The following IL1RAP variants were observed in gnomAD, a reference collection of about 807,000 sequenced individuals.
IL1RAP encodes interleukin-1 receptor accessory protein.
IL1RAP carries 35 observed loss-of-function variants against 60.7 expected under a neutral mutation model. The observed-to-expected ratio is 0.58, with a 90% CI of 0.44 to 0.76. The LOEUF (loss-of-function observed/expected upper bound fraction) is 0.76, where lower values mean the gene tolerates loss of function less well. Among genes scored for constraint, IL1RAP ranks in the 30% least tolerant of loss-of-function variants. The pLI is 0.00. For synonymous variants in IL1RAP, 268 were observed against 250.9 expected, an observed-to-expected ratio of 1.07 and a Z score of -0.64; for missense variants, 572 against 693.9, an observed-to-expected ratio of 0.82 and a Z score of 1.97.
In IL1RAP at chr3:190,573,045, A is replaced by G. The variant is rs1727117840; in HGVS notation, c.64+8692A>G. On this transcript the variant is annotated intron_variant, in intron 3 of 11. Coordinates refer to ENST00000447382, the MANE Select transcript of IL1RAP (RefSeq NM_002182.4). ...CGCCCGGCTAATTTTTTGTATTTTT[A>G]GTAGAGACGGGGTTTCACCGTTTTA... Among the ~76,000 whole-genome samples, 3 of 50,154 alleles carry G rather than the reference A, an allele frequency of 6.0e-5. 1 individual carries two copies. In the Admixed American group the frequency reaches 6.7e-4, roughly 11 times the overall value. 32.9% of individuals were successfully genotyped at this position (50,154 alleles called of 152,430 possible).
In IL1RAP at chr3:190,640,735, G is replaced by A. The variant is rs143744010; in HGVS notation, c.1052-3513G>A. On this transcript the variant is annotated intron_variant, in intron 9 of 11. Transcript: ENST00000447382. ...AGCAAGAACTCAAAACAGGGAAAAT[G>A]CCAAGAGCTAACCAAGGTGGTTACC... Among the ~76,000 whole-genome samples, 589 of 152,268 alleles carry A rather than the reference G, an allele frequency of 3.9e-3. 1 individual carries two copies. Among genetic ancestry groups the A allele is most frequent in the African/African-American group, 0.014 (571 of 41,568 alleles).
chr3:190,564,839 T>A (rs1726234364), intron 3 of IL1RAP, among the ~76,000 whole-genome samples: 1 of 152,174 alleles, frequency 6.6e-6, no homozygotes, highest in South Asian at 2.1e-4. Context: ...CTCTGGATGT[T>A]GCTTTATAAG....
At chr3:190,604,103 T>G in intron 3 of IL1RAP, 25 bp from the exon 4 acceptor site, 1 of 1,605,190 alleles carries the variant, frequency 6.2e-7, no homozygotes, top group Non-Finnish European at 8.5e-7. Flanking sequence ...CATCTGCCCC[T>G]TTCTTTCTTT....
At chr3:190,570,468 C>T (rs74348289) in intron 3 of IL1RAP, among the ~76,000 whole-genome samples, 1,564 of 152,276 alleles carry the variant, frequency 0.01, 30 homozygotes, top group African/African-American at 0.035. Flanking sequence ...ATAAATAGCA[C>T]TTTTCTGCAG....
At chr3:190,655,016 T>G (rs775201354), downstream of IL1RAP, among the ~76,000 whole-genome samples, 1 of 152,090 alleles carries the variant, frequency 6.6e-6, no homozygotes, top group Non-Finnish European at 1.5e-5. Context: ...TTAATTCCAA[T>G]TCTTCACACA....
At chr3:190,643,316 A>G (rs1733790155) in intron 9 of IL1RAP, among the ~76,000 whole-genome samples, 1 of 152,232 alleles carries the variant, frequency 6.6e-6, no homozygotes, top group Non-Finnish European at 1.5e-5. Context: ...ACTTCCAGCC[A>G]GAAGTCACAG....
chr3:190,583,442 T>C (rs934634868), intron 3 of IL1RAP, among the ~76,000 whole-genome samples: 2 of 152,230 alleles, frequency 1.3e-5, no homozygotes, highest in Non-Finnish European at 2.9e-5. Context: ...TAGTTACTGA[T>C]CTCTGTTTTT....
At chr3:190,560,612 C>G (rs142230199) in intron 2 of IL1RAP, among the ~76,000 whole-genome samples, 1 of 152,224 alleles carries the variant, frequency 6.6e-6, no homozygotes, top group Non-Finnish European at 1.5e-5. Flanking sequence ...TGAAGTGCTG[C>G]TGAGCGGAAG....
At chr3:190,648,275 AG>A in intron 11 of IL1RAP, 62 bp from the exon 12 acceptor site, 1 of 1,521,888 alleles carries the variant, frequency 6.6e-7, no homozygotes, top group Non-Finnish European at 8.8e-7. Context: ...TTGCTCCTCA[AG>A]CCTCAATGCT....
At chr3:190,620,023 A>G (rs890150248) in intron 5 of IL1RAP, among the ~76,000 whole-genome samples, 1 of 152,226 alleles carries the variant, frequency 6.6e-6, no homozygotes, top group African/African-American at 2.4e-5. Flanking sequence ...ATCCTGAGAC[A>G]GGAAGCCTGT....
intron 9 of IL1RAP, among the ~76,000 whole-genome samples, chr3:190,630,629 A>C (rs1201796762): frequency 6.6e-6 from 1 of 152,246 alleles, no homozygotes; most frequent in East Asian, 1.9e-4. Context: ...CTAGTGAATC[A>C]GTTCAGGGTA....
chr3:190,540,041 T>C (rs557435189), intron 1 of IL1RAP, among the ~76,000 whole-genome samples: 1 of 152,138 alleles, frequency 6.6e-6, no homozygotes, highest in East Asian at 1.9e-4. Context: ...TTGTTTCATC[T>C]TAAAACCTTA....
intron 7 of IL1RAP, 73 bp downstream of exon 7, chr3:190,623,488 A>G (rs777257159): frequency 1.2e-5 from 13 of 1,106,952 alleles, no homozygotes; most frequent in Non-Finnish European, 1.8e-5. Context: ...ATTTAAGTTA[A>G]TGCAAGAAAA....
At chr3:190,651,783 GTGTATGT>G (rs1276402582), downstream of IL1RAP, among the ~76,000 whole-genome samples, 3 of 148,662 alleles carry the variant, frequency 2.0e-5, no homozygotes, top group East Asian at 5.8e-4. Context: ...ATGTGTGTAT[GTGTATGT>G]GTATGTGTAT....
chr3:190,608,489 C>T (rs1730544434), intron 4 of IL1RAP, among the ~76,000 whole-genome samples: 1 of 152,092 alleles, frequency 6.6e-6, no homozygotes, highest in South Asian at 2.1e-4. Context: ...GGTGAGTGAG[C>T]AGTGAATGAA....
intron 1 of IL1RAP, among the ~76,000 whole-genome samples, chr3:190,551,538 A>G (rs1160658089): frequency 1.3e-5 from 2 of 152,202 alleles, no homozygotes; most frequent in Non-Finnish European, 2.9e-5. Flanking sequence ...CAAAACAAAG[A>G]TCAGCAATAT....
Position 190,604,375 on chromosome 3 carries a change from T to C in IL1RAP, c.312T>C (p.Thr104=). 3 of 1,613,588 alleles carry C rather than the reference T, an allele frequency of 1.9e-6. No individual in the cohort carries two copies. Among genetic ancestry groups the C allele is most frequent in the Non-Finnish European group, 2.5e-6 (3 of 1,179,922 alleles). ...KEKDVLWFRP[T]LLNDTGNYTC... is the part of the protein sequence containing the mutation. ...AAGATGTGCTGTGGTTCCGGCCCAC[T>C]CTCCTCAATGACACTGGCAACTATA... Residue 104 remains threonine, a synonymous_variant, in exon 4 of 12, where the codon ACT becomes ACC. Coordinates refer to ENST00000447382, the MANE Select transcript of IL1RAP (RefSeq NM_002182.4).
chr3:190,569,845 G>A (rs907361205), intron 3 of IL1RAP, among the ~76,000 whole-genome samples: 15 of 152,164 alleles, frequency 9.9e-5, no homozygotes, highest in East Asian at 3.9e-4. Flanking sequence ...CCTGCATACC[G>A]TTGTAGGAAA....
chr3:190,531,249 TG>T (rs959297472), intron 1 of IL1RAP, among the ~76,000 whole-genome samples: 39 of 152,118 alleles, frequency 2.6e-4, no homozygotes, highest in African/African-American at 8.5e-4. Flanking sequence ...AGAACCTGTC[TG>T]TAACAATAAT....
Sources: allele counts gnomAD v4.1 joint callset (sites outside exome capture counted in the v4.1 genomes callset), GRCh38; gene constraint gnomAD v4.1.1; transcripts MANE v1.5; gene names NCBI Gene and HGNC (gene_info 2026-07-23, HGNC 2026-07-21).